Variants in EIF4G3 observed in about 807,000 individuals in gnomAD.
The protein encoded by EIF4G3 is eIF-4-gamma 3.
Under a neutral mutation model 186.4 loss-of-function variants are expected in EIF4G3, and 34 were observed. That is an observed-to-expected ratio of 0.18 (90% CI 0.14 to 0.24). EIF4G3 has a LOEUF of 0.24. Ranked by LOEUF, EIF4G3 falls within the 10% of genes least tolerant of loss-of-function variation. The pLI is 1.00. For missense variants in EIF4G3, 1,536 were observed against 1,948.5 expected (o/e 0.79, Z 3.99); for synonymous variants, 673 against 679.5 (o/e 0.99, Z 0.15).
chr1:21,099,643 G>C (rs1211196017), intron 2 of EIF4G3, among the ~76,000 whole-genome samples: 1 of 152,192 alleles, frequency 6.6e-6, no homozygotes, highest in Non-Finnish European at 1.5e-5. Context: ...GCAGATCAGT[G>C]CTTGCCAGGG....
intron 22 of EIF4G3, 56 bp from the exon 23 acceptor site, chr1:20,862,388 C>T (rs905346648): frequency 2.1e-5 from 22 of 1,066,672 alleles, no homozygotes; most frequent in Non-Finnish European, 2.6e-5. Flanking sequence ...CGTAATTTTA[C>T]CAATTTACAG....
At chr1:20,876,568 G>C (rs2080937412) in intron 20 of EIF4G3, among the ~76,000 whole-genome samples, 1 of 151,698 alleles carries the variant, frequency 6.6e-6, no homozygotes, top group Non-Finnish European at 1.5e-5. Context: ...AACTATAGAT[G>C]ATTACATCAA....
Position 20,982,397 on chromosome 1 carries a change from T to A in EIF4G3, c.189A>T (p.Arg63Ser). Residue 63 changes from arginine (R) to serine (S), a missense_variant, in exon 8 of 37, where the codon AGA becomes AGT. Physicochemically the swap from Arg to Ser is moderately radical, Grantham distance 110. Transcript: ENST00000602326. ...PRPPHHQGGF[R>S]PIQFFQRPQI... is the part of the protein sequence containing the mutation. ...ACCAGTAGTTTGTTACCTGGATAGG[T>A]CTGAATCCTCCCTTCAAATATGAAG... The A allele has an allele frequency of 6.5e-7, 1 of 1,527,924 alleles. No homozygotes were observed. The highest frequency in any genetic ancestry group is 1.4e-5 in the African/African-American group (1 of 72,430). 94.6% of individuals were successfully genotyped at this position (1,527,924 alleles called of 1,614,324 possible). A position where few individuals can be genotyped will look rare whatever the true frequency, so the allele number is the denominator to read the frequency against.
At chr1:20,905,213 G>C (rs1165248592) in intron 14 of EIF4G3, among the ~76,000 whole-genome samples, 3 of 152,188 alleles carry the variant, frequency 2.0e-5, no homozygotes, top group Non-Finnish European at 4.4e-5. Context: ...TTCATGGTTA[G>C]AAATATCCCA....
intron 4 of EIF4G3, among the ~76,000 whole-genome samples, chr1:21,015,875 G>A (rs2088853524): frequency 6.6e-6 from 1 of 151,586 alleles, no homozygotes; most frequent in South Asian, 2.1e-4. Flanking sequence ...AATAAGCTGA[G>A]AAAGTTCATT....
intron 14 of EIF4G3, chr1:20,941,223 A>G: frequency 6.5e-7 from 1 of 1,527,930 alleles, no homozygotes; most frequent in Non-Finnish European, 8.8e-7. Context: ...AGCAACAACA[A>G]CAACAACAAA....
intron 24 of EIF4G3, among the ~76,000 whole-genome samples, chr1:20,858,981 G>A (rs1240735309): frequency 6.6e-6 from 1 of 152,202 alleles, no homozygotes; most frequent in Non-Finnish European, 1.5e-5. Flanking sequence ...GGGCGACAGA[G>A]CGAGACTCAT....
chr1:20,950,839 A>G (rs954740661), intron 12 of EIF4G3, among the ~76,000 whole-genome samples: 1 of 152,138 alleles, frequency 6.6e-6, no homozygotes, highest in African/African-American at 2.4e-5. Context: ...AATCACAGCT[A>G]TTGCTCAACT....
intron 34 of EIF4G3, among the ~76,000 whole-genome samples, chr1:20,815,651 G>GGT (rs1553178239): frequency 1.5e-5 from 1 of 67,288 alleles, no homozygotes; most frequent in Non-Finnish European, 3.9e-5. Flanking sequence ...GAGGGAGGTG[G>GGT]GGGGGGGTCA....
At chr1:21,032,687 A>C (rs1571369009) in intron 4 of EIF4G3, among the ~76,000 whole-genome samples, 2 of 152,200 alleles carry the variant, frequency 1.3e-5, no homozygotes, top group East Asian at 1.9e-4. Flanking sequence ...ATTTATGAAG[A>C]GTTACTAACA....
intron 6 of EIF4G3, among the ~76,000 whole-genome samples, chr1:20,999,890 T>A (rs72988006): frequency 0.03 from 4,580 of 152,160 alleles, 225 homozygotes; most frequent in African/African-American, 0.1. Context: ...TGAGGACTGT[T>A]GATATAAAGG....
At chr1:21,115,485 A>C (rs1405477267) in intron 2 of EIF4G3, among the ~76,000 whole-genome samples, 2 of 152,218 alleles carry the variant, frequency 1.3e-5, no homozygotes, top group African/African-American at 4.8e-5. Flanking sequence ...TGATGCCAAA[A>C]GCTTTGCTTC....
chr1:20,889,193 A>T (rs1409056000), intron 18 of EIF4G3, among the ~76,000 whole-genome samples: 1 of 152,204 alleles, frequency 6.6e-6, no homozygotes, highest in African/African-American at 2.4e-5. Context: ...TATCTTATTC[A>T]GAGACTGTAA....
At chr1:21,008,048 G>T (rs1009758496) in intron 4 of EIF4G3, among the ~76,000 whole-genome samples, 3 of 152,170 alleles carry the variant, frequency 2.0e-5, no homozygotes, top group Non-Finnish European at 4.4e-5. Flanking sequence ...ACTTTGGGAG[G>T]CCAAGACTGG....
chr1:20,814,471 A>G (rs2059946699), intron 34 of EIF4G3, among the ~76,000 whole-genome samples: 1 of 152,104 alleles, frequency 6.6e-6, no homozygotes, highest in Admixed American at 6.5e-5. Context: ...TTAAAAACAT[A>G]TTTTATTCCT....
At chr1:20,908,612 A>T (rs185396675) in intron 14 of EIF4G3, among the ~76,000 whole-genome samples, 5 of 152,282 alleles carry the variant, frequency 3.3e-5, no homozygotes, top group Admixed American at 2.6e-4. Flanking sequence ...AGGATGTAAT[A>T]CAAGTCATCC....
chr1:20,843,577 A>G (rs900100994), intron 29 of EIF4G3, among the ~76,000 whole-genome samples: 9 of 152,166 alleles, frequency 5.9e-5, no homozygotes, highest in African/African-American at 1.9e-4. Context: ...GAAGTGATTA[A>G]ATGTCTTCTA....
At chr1:20,885,011 G>A (rs2083644238) in intron 19 of EIF4G3, among the ~76,000 whole-genome samples, 2 of 152,172 alleles carry the variant, frequency 1.3e-5, no homozygotes, top group Admixed American at 6.5e-5. Context: ...CTCATAAGGA[G>A]CGTGCAACCT....
intron 2 of EIF4G3, among the ~76,000 whole-genome samples, chr1:21,102,628 G>T (rs1441232851): frequency 6.6e-6 from 1 of 152,018 alleles, no homozygotes; most frequent in Non-Finnish European, 1.5e-5. Flanking sequence ...TTAATAATTA[G>T]AACAATTTCT....
Sources: allele counts gnomAD v4.1 joint callset (sites outside exome capture counted in the v4.1 genomes callset), GRCh38; gene constraint gnomAD v4.1.1; transcripts MANE v1.5; gene names NCBI Gene and HGNC (gene_info 2026-07-23, HGNC 2026-07-21).